The following MAGED1 variants were observed in gnomAD, a reference collection of about 807,000 sequenced individuals.
MAGED1 encodes MAGE family member D1.
A neutral mutation model predicts 54.1 loss-of-function variants in MAGED1; 3 were observed. The observed-to-expected ratio is 0.06, with a 90% CI of 0.03 to 0.14. MAGED1 has a LOEUF of 0.14. MAGED1 is among the 10% of genes least tolerant of loss of function. The pLI, the probability that MAGED1 is intolerant of heterozygous loss-of-function variation, is 1.00. For missense variants in MAGED1, 485 were observed against 623.4 expected, an observed-to-expected ratio of 0.78 and a Z score of 2.36; for synonymous variants, 217 against 227.3, an observed-to-expected ratio of 0.95 and a Z score of 0.41.
At chrX:51,866,510 G>T (rs782183201) in intron 1 of MAGED1, among the ~76,000 whole-genome samples, 3 of 111,789 alleles carry the variant, frequency 2.7e-5, no homozygotes, top group Non-Finnish European at 5.6e-5. Flanking sequence ...GACACAAATT[G>T]CACTCTGAAA....
chrX:51,857,137 C>T (rs907304061), intron 1 of MAGED1: 5 of 111,437 alleles, frequency 4.5e-5, no homozygotes, highest in Non-Finnish European at 9.4e-5. Context: ...AATCATGATG[C>T]CAGTCTTACT....
At chrX:51,816,245 G>A (rs1925418198) in intron 1 of MAGED1, among the ~76,000 whole-genome samples, 1 of 110,032 alleles carries the variant, frequency 9.1e-6, no homozygotes, top group Non-Finnish European at 1.9e-5. Flanking sequence ...CTCCCGAGTA[G>A]CTGGGATTAC....
chrX:51,885,738 T>C (rs1928212244), intron 1 of MAGED1, among the ~76,000 whole-genome samples: 1 of 110,857 alleles, frequency 9.0e-6, no homozygotes, highest in Admixed American at 9.7e-5. Context: ...ATTTAAGTCT[T>C]TAACCCATTC....
intron 1 of MAGED1, among the ~76,000 whole-genome samples, chrX:51,861,764 A>C (rs782405329): frequency 3.6e-5 from 4 of 111,161 alleles, no homozygotes; most frequent in African/African-American, 1.3e-4. Flanking sequence ...GCTCACTGCA[A>C]CCTCTGCCTC....
rs964709691 is a variant in MAGED1, at chrX:51,859,833, A to C, written c.-36-34436A>C. Among the ~76,000 whole-genome samples the C allele has an allele frequency of 3.6e-5, 4 of 111,324 alleles. No homozygotes were observed. The South Asian group carries it at 1.5e-3, about 43-fold the overall frequency. On this transcript the variant is annotated intron_variant, in intron 1 of 12. Transcript: ENST00000375772. The stretch of plus-strand genomic sequence containing the variant: ...TATGCTGCTGGCTTTGAATTTGGAG[A>C]AAGGAGCCATGAACAAAGAACTGCC...
chrX:51,842,907 C>G (rs1338521885), intron 1 of MAGED1, among the ~76,000 whole-genome samples: 2 of 108,804 alleles, frequency 1.8e-5, no homozygotes, highest in East Asian at 2.9e-4. Context: ...GTTGCCCAGG[C>G]TGGTCTCTAA....
rs1014916789 is a variant in MAGED1 at position 51,895,531 on chromosome X, G to A, written c.524G>A (p.Ser175Asn). 1.7e-6 allele frequency: 2 copies of A among 1,210,953 alleles called. No individual in the cohort carries two copies. The highest frequency in any genetic ancestry group is 2.2e-6 in the Non-Finnish European group (2 of 895,045). Residue 175 changes from serine to asparagine, a missense_variant, in exon 3 of 13, where the codon AGC (serine) becomes AAC (asparagine). By Grantham distance (46) the Ser-to-Asn change is conservative. Around this residue, in one of 2 missense-constraint regions of MAGED1, gnomAD observed 299 missense variants for 293.1 expected, o/e 1.02. Coordinates refer to ENST00000326587, the MANE Select transcript of MAGED1 (RefSeq NM_006986.4). ...CTCAATGCCAATGACCTGGCCAACA[G>A]CAGGCCTAAGACCCCTTTCAAGGCT... Reference protein sequence around the residue: ...QSLNANDLANSRPKTPFKAWN... With the variant: ...QSLNANDLANNRPKTPFKAWN...
At chrX:51,840,443 T>C (rs1280691920) in intron 1 of MAGED1, among the ~76,000 whole-genome samples, 1 of 109,778 alleles carries the variant, frequency 9.1e-6, no homozygotes, top group Non-Finnish European at 1.9e-5. Flanking sequence ...TAAATTTTAT[T>C]ATTATTATAT....
chrX:51,848,691 G>A (rs886384712), intron 1 of MAGED1, among the ~76,000 whole-genome samples: 13 of 111,935 alleles, frequency 1.2e-4, no homozygotes, highest in African/African-American at 4.2e-4. Context: ...AAAACAACGT[G>A]AAGCAAAATA....
intron 2 of MAGED1, 150 bp downstream of exon 2, chrX:51,894,499 A>AG (rs1557363910): frequency 7.6e-6 from 6 of 791,518 alleles, no homozygotes; most frequent in African/African-American, 2.1e-5. Context: ...CGTTTATCGA[A>AG]GGGGGGGAGG....
Position 51,897,229 on chromosome X carries a change from T to C in MAGED1, c.1444T>C (p.Leu482=), listed in dbSNP as rs782038507. 1.7e-6 allele frequency: 2 copies of C among 1,211,185 alleles called. No individual in the cohort carries two copies. Among genetic ancestry groups the C allele is most frequent in the East Asian group, 5.9e-5 (2 of 33,780 alleles). Residue 482 remains leucine (L), a synonymous_variant, in exon 5 of 13, where the codon TTG becomes CTG. Transcript: ENST00000326587. ...CCAGGCAAATAAGTTGGTCAAGTAC[T>C]TGATGCTTAAGGACTACACAAAGGT... is the stretch of plus-strand genomic sequence containing the variant. ...QERANKLVKY[L]MLKDYTKVPI...
intron 1 of MAGED1, among the ~76,000 whole-genome samples, chrX:51,832,327 A>G (rs979870654): frequency 2.0e-4 from 22 of 111,321 alleles, no homozygotes; most frequent in African/African-American, 7.2e-4. Context: ...ACTGCACTCG[A>G]TCTCCTTTAG....
At chrX:51,884,687 C>T (rs781855018) in intron 1 of MAGED1, among the ~76,000 whole-genome samples, 4 of 112,025 alleles carry the variant, frequency 3.6e-5, no homozygotes, top group Non-Finnish European at 7.5e-5. Flanking sequence ...GAAACTTACA[C>T]ATTAATATGT....
chrX:51,825,456 T>C (rs1487958634), intron 1 of MAGED1, among the ~76,000 whole-genome samples: 1 of 112,400 alleles, frequency 8.9e-6, no homozygotes, highest in Non-Finnish European at 1.9e-5. Flanking sequence ...CAGAAGAGGT[T>C]GACTTCGTAG....
At chrX:51,873,112 C>T (rs1557361753) in intron 1 of MAGED1, among the ~76,000 whole-genome samples, 4 of 110,492 alleles carry the variant, frequency 3.6e-5, no homozygotes, top group South Asian at 8.0e-4. Flanking sequence ...TTCTGCATGG[C>T]TTGGGAGGGC....
intron 1 of MAGED1, among the ~76,000 whole-genome samples, chrX:51,814,298 GCCGCTGCCGCTGCCA>G (rs1308825004): frequency 9.0e-6 from 1 of 110,518 alleles, no homozygotes; most frequent in Non-Finnish European, 1.9e-5. Context: ...TACCGCCGCC[GCCGCTGCCGCTGCCA>G]CTGCCGCCAC....
chrX:51,897,453 G>A (rs1356162544), intron 5 of MAGED1, 94 bp from the exon 6 acceptor site: 2 of 816,356 alleles, frequency 2.4e-6, no homozygotes, highest in African/African-American at 4.2e-5. Flanking sequence ...CACCCTTGAG[G>A]ACCTTGACTG....
Position 51,895,737 on chromosome X carries a change from A to G in MAGED1, c.730A>G (p.Ile244Val). ...QAQNLESRTI[I>V]RGKRTRKINN... ...TCAGAATCTGGAGTCCCGGACAATA[A>G]TTCGGGGCAAGAGGACCCGCAAGGT... The change falls in exon 3 of 13, where the codon ATT (isoleucine) becomes GTT (valine). Residue 244 changes from isoleucine to valine, a missense_variant. This residue lies in a region of MAGED1 where 299 missense variants were observed against 293.1 expected (regional missense o/e 1.02). Transcript: ENST00000326587. The G allele has an allele frequency of 8.5e-6, 10 of 1,178,711 alleles. No individual in the cohort carries two copies. Among genetic ancestry groups the G allele is most frequent in the Non-Finnish European group, 1.1e-5 (10 of 877,678 alleles).
At chrX:51,815,117 T>G (rs1925371840) in intron 1 of MAGED1, among the ~76,000 whole-genome samples, 1 of 110,155 alleles carries the variant, frequency 9.1e-6, no homozygotes, top group Non-Finnish European at 1.9e-5. Flanking sequence ...CACTCCAGCC[T>G]GGGTGACAGA....
Sources: gnomAD v4.1 joint callset for allele counts (sites outside exome capture counted in the v4.1 genomes callset) on GRCh38, gnomAD v4.1.1 for gene constraint, gnomAD v4.1.1 regional missense constraint, MANE v1.5 for transcripts, NCBI Gene and HGNC (gene_info 2026-07-23, HGNC 2026-07-21) for gene names.